The following MBNL1 variants were observed in gnomAD, a reference collection of about 807,000 sequenced individuals.
The protein encoded by MBNL1 is muscleblind-like protein 1.
Under a neutral mutation model 42.2 loss-of-function variants are expected in MBNL1, and 8 were observed. The ratio of observed to expected loss-of-function variants is 0.19; its 90% CI spans 0.11 to 0.34. The LOEUF is 0.34. Ranked by LOEUF, MBNL1 falls within the 10% of genes least tolerant of loss-of-function variation. The pLI is 1.00. For synonymous variants in MBNL1, 169 were observed against 173.9 expected, an observed-to-expected ratio of 0.97 and a Z score of 0.22; for missense variants, 309 against 495.3, an observed-to-expected ratio of 0.62 and a Z score of 3.57.
At chr3:152,448,380 A>G (rs1323672646) in intron 6 of MBNL1, among the ~76,000 whole-genome samples, 3 of 152,170 alleles carry the variant, frequency 2.0e-5, no homozygotes, top group Non-Finnish European at 4.4e-5. Flanking sequence ...CTTATTTTCA[A>G]TTTGGTAATG....
intron 8 of MBNL1, chr3:152,458,038 C>A: frequency 1.0e-6 from 1 of 969,828 alleles, no homozygotes; most frequent in Non-Finnish European, 1.7e-6. Context: ...ATAGCTGATG[C>A]CACAAAATGC....
At chr3:152,371,675 G>C (rs1041316714) in intron 2 of MBNL1, among the ~76,000 whole-genome samples, 23 of 152,180 alleles carry the variant, frequency 1.5e-4, no homozygotes, top group African/African-American at 5.5e-4. Context: ...TCCACTGTTA[G>C]TCTGATGGGC....
chr3:152,375,647 A>G (rs1290907027), intron 2 of MBNL1, among the ~76,000 whole-genome samples: 2 of 152,058 alleles, frequency 1.3e-5, no homozygotes, highest in African/African-American at 4.8e-5. Flanking sequence ...ATTCTTCTCA[A>G]TATCTACAAA....
intron 4 of MBNL1, among the ~76,000 whole-genome samples, chr3:152,434,642 T>C (rs1196489151): frequency 6.6e-6 from 1 of 152,248 alleles, no homozygotes; most frequent in Non-Finnish European, 1.5e-5. Flanking sequence ...TCCACAATGG[T>C]TGAATTAATT....
rs2099210138 is a variant in MBNL1 at position 152,445,550 on chromosome 3, A to G, written c.807+11A>G. 15 of 1,602,134 alleles carry G rather than the reference A, an allele frequency of 9.4e-6. No homozygotes were observed. Among genetic ancestry groups the G allele is most frequent in the South Asian group, 8.8e-5 (8 of 90,448 alleles). ...ACCGCAGCTGCCATGGTGAGTAGAGATATCAGCTCTCTCCTTGTTAGCAGT... is the reference window on the plus strand; with the variant it reads ...ACCGCAGCTGCCATGGTGAGTAGAGGTATCAGCTCTCTCCTTGTTAGCAGT... On this transcript the variant is annotated intron_variant, in intron 5 of 9. Transcript: ENST00000324210.
intron 1 of MBNL1, among the ~76,000 whole-genome samples, chr3:152,285,453 A>G (rs1049550153): frequency 6.6e-6 from 1 of 152,210 alleles, no homozygotes; most frequent in Non-Finnish European, 1.5e-5. Context: ...AATGAGCAAA[A>G]TAATATAACC....
intron 6 of MBNL1, chr3:152,449,324 A>G (rs1716968034): frequency 6.6e-6 from 1 of 152,246 alleles, no homozygotes; most frequent in Non-Finnish European, 1.5e-5. Flanking sequence ...AGTCAGTTAC[A>G]GATTGAACTC....
intron 9 of MBNL1, among the ~76,000 whole-genome samples, chr3:152,462,093 G>A (rs762773204): frequency 6.6e-5 from 10 of 152,024 alleles, no homozygotes; most frequent in Non-Finnish European, 1.2e-4. Flanking sequence ...AAAGAGCTCT[G>A]TATATTAGGC....
chr3:152,397,251 A>T (rs1472748900), intron 2 of MBNL1, among the ~76,000 whole-genome samples: 2 of 152,172 alleles, frequency 1.3e-5, no homozygotes, highest in Non-Finnish European at 2.9e-5. Context: ...ATACATGTGC[A>T]GAATGTGCAG....
chr3:152,329,162 G>A (rs1222180108), intron 2 of MBNL1, among the ~76,000 whole-genome samples: 1 of 152,060 alleles, frequency 6.6e-6, no homozygotes, highest in Non-Finnish European at 1.5e-5. Context: ...ACAGATGTGA[G>A]CTTATTTGGG....
intron 1 of MBNL1, among the ~76,000 whole-genome samples, chr3:152,290,279 A>G (rs1425407558): frequency 1.3e-5 from 2 of 151,766 alleles, no homozygotes; most frequent in Non-Finnish European, 2.9e-5. Flanking sequence ...TCCTAATGAG[A>G]TATGCTTTAT....
rs2098812332 is a variant in MBNL1 at position 152,421,963 on chromosome 3, C to T, written c.345+6852C>T. Among the ~76,000 whole-genome samples, 4 of 147,280 alleles carry T rather than the reference C, an allele frequency of 2.7e-5. No individual in the cohort carries two copies. The South Asian group carries it at 8.4e-4, about 31-fold the overall frequency. On this transcript the variant is annotated intron_variant, in intron 3 of 9. Coordinates refer to ENST00000324210, the MANE Select transcript of MBNL1 (RefSeq NM_021038.5). ...ATGGAAAGGAAAAACTCGTACCGAC[C>T]ACTAAAAAAAAAAATACCAAAATGT...
At chr3:152,356,271 T>C (rs962506539) in intron 2 of MBNL1, among the ~76,000 whole-genome samples, 1 of 152,126 alleles carries the variant, frequency 6.6e-6, no homozygotes, top group African/African-American at 2.4e-5. Flanking sequence ...TATTATTCTA[T>C]TCTTTCCTGA....
At chr3:152,339,696 A>T (rs944780911) in intron 2 of MBNL1, 2 of 152,178 alleles carry the variant, frequency 1.3e-5, no homozygotes, top group African/African-American at 4.8e-5. Flanking sequence ...CTTTAATTTC[A>T]ATGGCCAAAA....
chr3:152,431,718 C>T (rs956955270), intron 3 of MBNL1, among the ~76,000 whole-genome samples: 15 of 152,158 alleles, frequency 9.9e-5, no homozygotes, highest in East Asian at 1.9e-4. Flanking sequence ...CATTATTAAA[C>T]GAAGCATTAA....
chr3:152,331,181 C>T (rs563355502), intron 2 of MBNL1, among the ~76,000 whole-genome samples: 2 of 152,076 alleles, frequency 1.3e-5, no homozygotes, highest in South Asian at 4.2e-4. Context: ...GACACTCCTT[C>T]CCCTACACAC....
At chr3:152,405,609 A>G (rs920863992) in intron 2 of MBNL1, among the ~76,000 whole-genome samples, 1 of 152,218 alleles carries the variant, frequency 6.6e-6, no homozygotes, top group Non-Finnish European at 1.5e-5. Flanking sequence ...AACTGCTTAA[A>G]TAAGTCTTTC....
In MBNL1 at chr3:152,269,042, C is replaced by T. The variant is rs922292277; in HGVS notation, c.-840C>T. 2.2e-6 allele frequency: 1 copy of T among 456,028 alleles called. No individual in the cohort carries two copies. Among genetic ancestry groups the T allele is most frequent in the Non-Finnish European group, 4.4e-6 (1 of 226,952 alleles). The allele number at this position is 456,028 out of a possible 1,614,324, so 28.2% of individuals were successfully genotyped here. On this transcript the variant is annotated 5_prime_UTR_variant, in exon 1 of 10. Coordinates refer to ENST00000324210, the MANE Select transcript of MBNL1 (RefSeq NM_021038.5). ...CTTGGAATCATGACTCCCACAATGCCTTGGGCACTTGGTCGACAGTGGGGC... is the reference window on the plus strand; with the variant it reads ...CTTGGAATCATGACTCCCACAATGCTTTGGGCACTTGGTCGACAGTGGGGC...
chr3:152,361,760 T>C (rs1295091923), intron 2 of MBNL1, among the ~76,000 whole-genome samples: 2 of 152,186 alleles, frequency 1.3e-5, no homozygotes, highest in South Asian at 2.1e-4. Flanking sequence ...ATAGTTTTAA[T>C]TTAGGTAGAT....
Sources: gnomAD v4.1 joint callset for allele counts (sites outside exome capture counted in the v4.1 genomes callset) on GRCh38, gnomAD v4.1.1 for gene constraint, MANE v1.5 for transcripts, NCBI Gene and HGNC (gene_info 2026-07-23, HGNC 2026-07-21) for gene names.